Variants in EHMT1 observed in about 807,000 individuals in gnomAD.
The protein encoded by EHMT1 is euchromatic histone lysine methyltransferase 1, also known as histone-lysine N-methyltransferase EHMT1.
A neutral mutation model predicts 147.2 loss-of-function variants in EHMT1; 15 were observed. The ratio of observed to expected loss-of-function variants is 0.10; its 90% CI spans 0.07 to 0.16. The LOEUF (loss-of-function observed/expected upper bound fraction) is 0.16, where lower values mean the gene tolerates loss of function less well. Ranked by LOEUF, EHMT1 falls within the 10% of genes least tolerant of loss-of-function variation. EHMT1 has a pLI of 1.00. For synonymous variants in EHMT1, 795 were observed against 709.6 expected (o/e 1.12, Z -1.91); for missense variants, 1,587 against 1,772.4 (o/e 0.90, Z 1.88).
intron 4 of EHMT1, among the ~76,000 whole-genome samples, chr9:137,742,372 G>C (rs1948176946): frequency 6.6e-6 from 1 of 150,612 alleles, no homozygotes; most frequent in African/African-American, 2.4e-5. Context: ...GGCTGGGCTT[G>C]AACTCCTGGA....
intron 5 of EHMT1, 79 bp from the exon 6 acceptor site, chr9:137,743,823 C>A: frequency 6.6e-7 from 1 of 1,506,728 alleles, no homozygotes; most frequent in South Asian, 1.2e-5. Flanking sequence ...CCCAGTCACC[C>A]AAGACTCCTC....
At chr9:137,633,679 A>G (rs2353768) in intron 1 of EHMT1, among the ~76,000 whole-genome samples, 6,835 of 152,162 alleles carry the variant, frequency 0.045, 495 homozygotes, top group African/African-American at 0.16. Context: ...CATTACCACT[A>G]CTTCCAGATC....
chr9:137,789,601 C>G (rs1418671199), intron 15 of EHMT1, among the ~76,000 whole-genome samples: 1 of 152,254 alleles, frequency 6.6e-6, no homozygotes, highest in Admixed American at 6.5e-5. Flanking sequence ...CTGTGCGCCT[C>G]CAGGCCTCAG....
intron 1 of EHMT1, among the ~76,000 whole-genome samples, chr9:137,706,149 C>T (rs1039894126): frequency 1.3e-5 from 2 of 152,280 alleles, no homozygotes; most frequent in South Asian, 4.1e-4. Context: ...GCATGCAGAG[C>T]CGACCTGGCC....
intron 18 of EHMT1, among the ~76,000 whole-genome samples, chr9:137,806,496 G>A (rs1953958921): frequency 6.6e-6 from 1 of 151,518 alleles, no homozygotes; most frequent in African/African-American, 2.4e-5. Context: ...GTGCAGTGGT[G>A]CTATCTTGGC....
At chr9:137,721,631 CCCACGCCTCTCACTCTTGTTCCCT>C (rs1946064921) in intron 3 of EHMT1, among the ~76,000 whole-genome samples, 1 of 150,552 alleles carries the variant, frequency 6.6e-6, no homozygotes, top group East Asian at 2.0e-4. Flanking sequence ...CTCATCCTCT[CCCACGCCTCTCACTCTTGTTCCCT>C]CCACGCCTCT....
intron 16 of EHMT1, among the ~76,000 whole-genome samples, chr9:137,791,664 G>C (rs2137123499): frequency 6.6e-6 from 1 of 152,314 alleles, no homozygotes; most frequent in South Asian, 2.1e-4. Context: ...TGAGAAGACT[G>C]AATGTGGTTA....
chr9:137,817,216 G>C (rs1211038710), intron 23 of EHMT1: 1 of 616,434 alleles, frequency 1.6e-6, no homozygotes, highest in Non-Finnish European at 2.9e-6. Flanking sequence ...CCAGTGACTT[G>C]CCGAGGTTGT....
Position 137,834,942 on chromosome 9 carries a change from G to T in EHMT1, c.3886G>T (p.Asp1296Tyr). The T allele has an allele frequency of 6.7e-7, 1 of 1,497,244 alleles. No homozygotes were observed. The highest frequency in any genetic ancestry group is 8.9e-7 in the Non-Finnish European group (1 of 1,129,864). The allele number at this position is 1,497,244 out of a possible 1,614,324, so 92.7% of individuals were successfully genotyped here. Residue 1296 changes from aspartate to tyrosine, a missense_variant, in exon 27 of 27, where the codon GAC becomes TAC. Coordinates refer to ENST00000460843, the MANE Select transcript of EHMT1 (RefSeq NM_024757.5). ...CGACACCAGCTCCGCGGCTGCCGCC[G>T]ACCCCCTATGAGACGCCGCCGGCCA... ...LPDTSSAAAA[D>Y]PL
intron 23 of EHMT1, 45 bp downstream of exon 23, chr9:137,816,107 A>G (rs756718881): frequency 3.4e-5 from 51 of 1,514,860 alleles, no homozygotes; most frequent in Middle Eastern, 1.7e-4. Flanking sequence ...TGCTCGTATT[A>G]GCACGTATTA....
chr9:137,620,415 T>A (rs1336633417), intron 1 of EHMT1, among the ~76,000 whole-genome samples: 1 of 152,082 alleles, frequency 6.6e-6, no homozygotes, highest in Non-Finnish European at 1.5e-5. Context: ...TAAATTATTA[T>A]TTATTATTAT....
At chr9:137,621,456 G>T (rs1842935945) in intron 1 of EHMT1, among the ~76,000 whole-genome samples, 1 of 152,162 alleles carries the variant, frequency 6.6e-6, no homozygotes, top group South Asian at 2.1e-4. Context: ...TAGCAGTTTA[G>T]GAAGCCGAGG....
At chr9:137,781,131 G>C (rs1473993870) in intron 14 of EHMT1, among the ~76,000 whole-genome samples, 7 of 850 alleles carry the variant, frequency 8.2e-3, no homozygotes, top group African/African-American at 0.024. Context: ...GGTGATGACG[G>C]CATCACTGAG....
At chr9:137,719,768 G>A (rs916816021) in intron 3 of EHMT1, among the ~76,000 whole-genome samples, 2 of 152,166 alleles carry the variant, frequency 1.3e-5, no homozygotes, top group Admixed American at 6.5e-5. Flanking sequence ...AGGGTGTTCT[G>A]TGCAGTTTAC....
chr9:137,701,384 A>G (rs1943812946), intron 1 of EHMT1, among the ~76,000 whole-genome samples: 1 of 151,308 alleles, frequency 6.6e-6, no homozygotes, highest in Admixed American at 6.6e-5. Context: ...CCCAGGCTCT[A>G]GTGATTCTCC....
In EHMT1 at chr9:137,816,161, T is replaced by C; in HGVS notation, c.3374+99T>C. On this transcript the variant is annotated intron_variant, in intron 23 of 26. Transcript: ENST00000460843. ...CAGACAAGAACTTAACGTGTTTGGA[T>C]GCACGCACATGTGTGTTTGCAGATA... The C allele has an allele frequency of 3.9e-6, 4 of 1,037,848 alleles. 1 individual carries two copies. In the South Asian group the frequency reaches 5.4e-5, roughly 14 times the overall value. The allele number at this position is 1,037,848 out of a possible 1,614,324, so 64.3% of individuals were successfully genotyped here. A position where few individuals can be genotyped will look rare whatever the true frequency, so the allele number is the denominator to read the frequency against.
intron 1 of EHMT1, among the ~76,000 whole-genome samples, chr9:137,679,885 T>A (rs1941771479): frequency 6.6e-6 from 1 of 152,236 alleles, no homozygotes; most frequent in South Asian, 2.1e-4. Context: ...CTGTCAGGTA[T>A]TTTTTCCTGC....
intron 22 of EHMT1, 159 bp from the exon 23 acceptor site, chr9:137,815,788 C>A: frequency 1.4e-6 from 1 of 700,262 alleles, no homozygotes; most frequent in Non-Finnish European, 2.6e-6. Context: ...AAACCGTACA[C>A]ATGGAGTTTT....
intron 4 of EHMT1, chr9:137,738,649 G>A (rs1345505037): frequency 1.3e-5 from 2 of 152,236 alleles, no homozygotes; most frequent in Admixed American, 6.5e-5. Context: ...CCCGAGGGTC[G>A]GCTGTCGGGC....
Sources: allele counts gnomAD v4.1 joint callset (sites outside exome capture counted in the v4.1 genomes callset), GRCh38; gene constraint gnomAD v4.1.1; transcripts MANE v1.5; gene names NCBI Gene and HGNC (gene_info 2026-07-23, HGNC 2026-07-21).